FBXO40: variants seen among roughly 807,000 people sequenced by gnomAD.
FBXO40 encodes the protein F-box only protein 40.
FBXO40 carries 50 observed loss-of-function variants against 49.9 expected under a neutral mutation model. That is an observed-to-expected ratio of 1.00 (90% CI 0.80 to 1.27). FBXO40 has a LOEUF of 1.27. Ranked by LOEUF, FBXO40 falls within the 50% of genes most tolerant of loss-of-function variation. The pLI is 0.00. For missense variants in FBXO40, 895 were observed against 870.1 expected, an observed-to-expected ratio of 1.03 and a Z score of -0.36; for synonymous variants, 340 against 320.2, an observed-to-expected ratio of 1.06 and a Z score of -0.66.
At chr3:121,600,518 A>C (rs139824594) in intron 1 of FBXO40, among the ~76,000 whole-genome samples, 1 of 152,154 alleles carries the variant, frequency 6.6e-6, no homozygotes, top group Non-Finnish European at 1.5e-5. Context: ...CTTCTTAAGG[A>C]AGGGCATCTG....
At chr3:121,599,018 A>T (rs1320445526) in intron 1 of FBXO40, among the ~76,000 whole-genome samples, 2 of 117,550 alleles carry the variant, frequency 1.7e-5, no homozygotes, top group East Asian at 5.0e-4. Flanking sequence ...GGACTATTTA[A>T]ATCTAAACTA....
intron 1 of FBXO40, among the ~76,000 whole-genome samples, chr3:121,619,346 T>C (rs901970100): frequency 1.3e-5 from 2 of 152,276 alleles, no homozygotes; most frequent in African/African-American, 4.8e-5. Flanking sequence ...ATTTGGATGC[T>C]AACCTCCCCA....
intron 1 of FBXO40, among the ~76,000 whole-genome samples, chr3:121,607,467 G>A (rs569187198): frequency 6.0e-5 from 9 of 150,950 alleles, no homozygotes; most frequent in Non-Finnish European, 1.2e-4. Flanking sequence ...CCACCACCAC[G>A]CCCGGCTAAT....
intron 1 of FBXO40, 37 bp from the exon 2 acceptor site, chr3:121,620,509 T>C: frequency 1.3e-6 from 2 of 1,599,900 alleles, no homozygotes; most frequent in South Asian, 1.1e-5. Context: ...CCTAACTGTT[T>C]TTCTTACTAA....
intron 1 of FBXO40, among the ~76,000 whole-genome samples, chr3:121,607,601 A>G (rs1428271855): frequency 6.6e-6 from 1 of 152,092 alleles, no homozygotes; most frequent in South Asian, 2.1e-4. Flanking sequence ...GAGCCACCGC[A>G]CCTGGCCGAG....
intron 1 of FBXO40, among the ~76,000 whole-genome samples, chr3:121,607,884 A>T (rs532820826): frequency 2.0e-5 from 3 of 152,310 alleles, no homozygotes; most frequent in African/African-American, 4.8e-5. Flanking sequence ...AATAAATAAG[A>T]TATCAACTGA....
chr3:121,628,889 G>A lies in FBXO40; in HGVS notation c.*1979G>A, dbSNP rs529286186. 14 of 152,262 alleles carry A rather than the reference G, an allele frequency of 9.2e-5. No homozygotes were observed. Among genetic ancestry groups the A allele is most frequent in the East Asian group, 3.9e-4 (2 of 5,184 alleles). The allele number at this position is 152,262 out of a possible 1,614,324, so 9.4% of individuals were successfully genotyped here. A position where few individuals can be genotyped will look rare whatever the true frequency, so the allele number is the denominator to read the frequency against. ...TTTGGTTATACCTGAAGCCAGGAGC[G>A]TTGAGTTATTAGCCTTGTGTTTATA... On this transcript the variant is annotated 3_prime_UTR_variant, in exon 4 of 4. Transcript: ENST00000338040.
chr3:121,620,128 A>G (rs1268296224), intron 1 of FBXO40, among the ~76,000 whole-genome samples: 2 of 152,250 alleles, frequency 1.3e-5, no homozygotes, highest in Non-Finnish European at 2.9e-5. Context: ...CTAAGTGGAC[A>G]GGAAGCCCCA....
intron 1 of FBXO40, among the ~76,000 whole-genome samples, chr3:121,595,272 C>A (rs905465902): frequency 9.9e-5 from 15 of 152,178 alleles, no homozygotes; most frequent in Admixed American, 4.6e-4. Flanking sequence ...AATCACCTAA[C>A]TTCATTTAAT....
At chr3:121,620,605 T>TAA in intron 2 of FBXO40, 27 bp downstream of exon 2, 1 of 1,614,120 alleles carries the variant, frequency 6.2e-7, no homozygotes, top group South Asian at 1.1e-5. Context: ...TATTGAAGCT[T>TAA]CACCATTGAG....
rs774121135 is a variant in FBXO40 at position 121,621,883 on chromosome 3, G to A, written c.454G>A (p.Glu152Lys). ...KMVELFPETR[E>K]ATEEEPTMNG... ...GGTGGAACTTTTCCCAGAAACTAGA[G>A]AGGCTACTGAGGAGGAACCAACTAT... is the stretch of plus-strand genomic sequence containing the variant. Residue 152 changes from glutamate (E) to lysine (K), a missense_variant, in exon 3 of 4, where the codon GAG becomes AAG. Physicochemically the swap from Glu to Lys is moderately conservative, Grantham distance 56. Transcript: ENST00000338040. 1.9e-6 allele frequency: 3 copies of A among 1,614,198 alleles called. No homozygotes were observed. The highest frequency in any genetic ancestry group is 2.2e-5 in the East Asian group (1 of 44,888).
intron 1 of FBXO40, among the ~76,000 whole-genome samples, chr3:121,597,659 CTTTTT>C (rs11388990): frequency 8.0e-6 from 1 of 124,506 alleles, no homozygotes; most frequent in Non-Finnish European, 1.6e-5. Context: ...TATAGGCCCC[CTTTTT>C]TTTTTTTTTT....
At position 121,626,867 on chromosome 3, in the gene FBXO40, T is replaced by C; in HGVS notation, c.2087T>C (p.Val696Ala). The change falls in exon 4 of 4, where the codon GTC (valine) becomes GCC (alanine). Residue 696 changes from valine to alanine, a missense_variant. By Grantham distance (64) the Val-to-Ala change is moderately conservative. Coordinates refer to ENST00000338040, the MANE Select transcript of FBXO40 (RefSeq NM_016298.4). ...QPREQARESL[V>A]STFRIRPRGR... The stretch of plus-strand genomic sequence containing the variant: ...CGTGAGCAGGCCCGAGAGAGCTTAG[T>C]CTCCACCTTTAGAATCAGACCACGA... 1 of 1,614,104 alleles carries C rather than the reference T, an allele frequency of 6.2e-7. No homozygotes were observed. Among genetic ancestry groups the C allele is most frequent in the South Asian group, 1.1e-5 (1 of 91,074 alleles).
rs555241065 is a variant in FBXO40, at chr3:121,623,042, A to C, written c.1613A>C (p.Gln538Pro). 20 of 1,614,238 alleles carry C rather than the reference A, an allele frequency of 1.2e-5. No individual in the cohort carries two copies. In the South Asian group the frequency reaches 1.8e-4, roughly 14 times the overall value. Residue 538 changes from glutamine (Q) to proline (P), a missense_variant, in exon 3 of 4, where the codon CAG (glutamine) becomes CCG (proline). Gln to Pro is a moderately conservative substitution (Grantham distance 76). Coordinates refer to ENST00000338040, the MANE Select transcript of FBXO40 (RefSeq NM_016298.4). ...CAAAAGGCAAAAGTAATCTATAGCC[A>C]GGAGCTCAAGACCTTTGCCATTAAG... ...PGQKAKVIYS[Q>P]ELKTFAIKPE... is the part of the protein sequence containing the mutation.
intron 1 of FBXO40, among the ~76,000 whole-genome samples, chr3:121,618,076 C>A (rs1167442276): frequency 6.6e-6 from 1 of 152,068 alleles, no homozygotes; most frequent in Non-Finnish European, 1.5e-5. Context: ...CCCAATTACC[C>A]TAATTCGATC....
At chr3:121,618,643 G>A (rs976094836) in intron 1 of FBXO40, among the ~76,000 whole-genome samples, 2 of 151,010 alleles carry the variant, frequency 1.3e-5, no homozygotes, top group East Asian at 1.9e-4. Context: ...TGATCCACCC[G>A]CTTGGGCCTC....
At chr3:121,616,150 C>T (rs1375329279) in intron 1 of FBXO40, among the ~76,000 whole-genome samples, 1 of 152,116 alleles carries the variant, frequency 6.6e-6, no homozygotes, top group East Asian at 1.9e-4. Flanking sequence ...TCTGCTGGGC[C>T]CTGACCCTGT....
intron 1 of FBXO40, 117 bp from the exon 2 acceptor site, chr3:121,620,429 C>A: frequency 2.2e-6 from 2 of 924,588 alleles, no homozygotes; most frequent in Non-Finnish European, 1.7e-6. Context: ...ATAAAGACAC[C>A]TCCAGGATGG....
chr3:121,609,130 C>T (rs1428573085), intron 1 of FBXO40, among the ~76,000 whole-genome samples: 1 of 151,942 alleles, frequency 6.6e-6, no homozygotes, highest in Non-Finnish European at 1.5e-5. Context: ...GAGCTTCCTT[C>T]CATTCTGAGG....
Sources: gnomAD v4.1 joint callset for allele counts (sites outside exome capture counted in the v4.1 genomes callset) on GRCh38, gnomAD v4.1.1 for gene constraint, MANE v1.5 for transcripts, NCBI Gene and HGNC (gene_info 2026-07-23, HGNC 2026-07-21) for gene names.